Variants in HADHB observed in about 807,000 individuals in gnomAD.
HADHB encodes the protein trifunctional enzyme subunit beta, mitochondrial.
A neutral mutation model predicts 61.9 loss-of-function variants in HADHB; 50 were observed. The observed-to-expected ratio is 0.81, with a 90% CI of 0.64 to 1.02. HADHB has a LOEUF of 1.02. Among genes scored for constraint, HADHB ranks in the 50% least tolerant of loss-of-function variants. The probability of loss-of-function intolerance (pLI) is 0.00; values close to 1 mark genes in which losing one functional copy is unlikely to be tolerated. For missense variants in HADHB, 504 were observed against 586.5 expected (o/e 0.86, Z 1.45); for synonymous variants, 191 against 201.6 (o/e 0.95, Z 0.45).
intron 7 of HADHB, 130 bp from the exon 8 acceptor site, chr2:26,278,484 G>A (rs1672647742): frequency 1.3e-6 from 1 of 799,226 alleles, no homozygotes. Context: ...CTGAAAAGTT[G>A]AAAACTTTAA....
intron 6 of HADHB, among the ~76,000 whole-genome samples, chr2:26,276,160 A>C (rs1672527779): frequency 6.6e-6 from 1 of 152,222 alleles, no homozygotes; most frequent in African/African-American, 2.4e-5. Context: ...AATTTCCCCC[A>C]ATAAATAGTA....
intron 15 of HADHB, among the ~76,000 whole-genome samples, chr2:26,289,512 T>C (rs1442610468): frequency 6.6e-6 from 1 of 152,158 alleles, no homozygotes; most frequent in Admixed American, 6.5e-5. Context: ...TTTATGTTTA[T>C]ACAGTTAAAA....
rs758786432 is a variant in HADHB at position 26,282,876 on chromosome 2, C to A, written c.965C>A (p.Ala322Glu). The change falls in exon 11 of 16, where the codon GCG (alanine) becomes GAG (glutamate). Residue 322 changes from alanine (A) to glutamate (E), a missense_variant. Ala to Glu is a moderately radical substitution (Grantham distance 107). Coordinates refer to ENST00000317799, the MANE Select transcript of HADHB (RefSeq NM_000183.3). ...GGTGCATCTGCAATGTTAATCATGGCGGAGGAAAAGGCTCTGGCCATGGGT... is the reference window on the plus strand; with the variant it reads ...GGTGCATCTGCAATGTTAATCATGGAGGAGGAAAAGGCTCTGGCCATGGGT... ...TDGASAMLIM[A>E]EEKALAMGYK... 1 of 1,612,712 alleles carries A rather than the reference C, an allele frequency of 6.2e-7. No individual in the cohort carries two copies. The highest frequency in any genetic ancestry group is 1.7e-5 in the Admixed American group (1 of 60,012).
chr2:26,286,916 TA>T (rs779575582), intron 15 of HADHB, among the ~76,000 whole-genome samples: 2 of 149,140 alleles, frequency 1.3e-5, no homozygotes, highest in African/African-American at 2.5e-5. Flanking sequence ...TTTAAAAGCA[TA>T]AACTGGCCGG....
chr2:26,273,019 G>A (rs1398132433), intron 5 of HADHB, among the ~76,000 whole-genome samples: 1 of 151,882 alleles, frequency 6.6e-6, no homozygotes, highest in Non-Finnish European at 1.5e-5. Context: ...GGAGGTGGAG[G>A]TTGCAGTGAG....
At chr2:26,248,867 G>T (rs1198635134) in intron 1 of HADHB, among the ~76,000 whole-genome samples, 1 of 152,016 alleles carries the variant, frequency 6.6e-6, no homozygotes, top group Non-Finnish European at 1.5e-5. Flanking sequence ...GACCAGCCTG[G>T]CCAACATGGT....
At chr2:26,283,140 G>A in intron 12 of HADHB, 89 bp downstream of exon 12, 2 of 871,490 alleles carry the variant, frequency 2.3e-6, no homozygotes, top group East Asian at 2.4e-5. Flanking sequence ...ATTAACACTG[G>A]TTTATTATTT....
At chr2:26,266,871 C>CAAAAAGAAAA (rs1672105293) in intron 4 of HADHB, among the ~76,000 whole-genome samples, 1 of 45,426 alleles carries the variant, frequency 2.2e-5, no homozygotes, top group African/African-American at 9.9e-5. Flanking sequence ...CACTCTCTCT[C>CAAAAAGAAAA]AAAAAAAAAA....
intron 15 of HADHB, among the ~76,000 whole-genome samples, chr2:26,286,790 G>A (rs1450838085): frequency 1.3e-5 from 2 of 148,878 alleles, no homozygotes; most frequent in African/African-American, 2.5e-5. Context: ...ACAGGCATGA[G>A]CCACTGTGCC....
In HADHB at chr2:26,247,276, T is replaced by C. The variant is rs72849926; in HGVS notation, c.-9+2286T>C. ...CTGGAGTTTCCATGCTTTGAATATT[T>C]TTACCAAAATTTCTGTTTTCTGAAG... On this transcript the variant is annotated intron_variant, in intron 1 of 15. Transcript: ENST00000317799. Among the ~76,000 whole-genome samples the C allele has an allele frequency of 6.3e-3, 955 of 152,308 alleles. 7 individuals carry two copies. Among genetic ancestry groups the C allele is most frequent in the African/African-American group, 0.021 (893 of 41,554 alleles).
chr2:26,281,619 C>T (rs1558358941), intron 10 of HADHB, among the ~76,000 whole-genome samples: 1 of 152,200 alleles, frequency 6.6e-6, no homozygotes, highest in Non-Finnish European at 1.5e-5. Flanking sequence ...CACAAATCAT[C>T]AGAGGTGACA....
intron 3 of HADHB, among the ~76,000 whole-genome samples, chr2:26,255,683 C>G (rs1671580330): frequency 6.6e-6 from 1 of 152,056 alleles, no homozygotes. Flanking sequence ...GTCTTGTCAG[C>G]CTCATATAGT....
chr2:26,263,695 T>C (rs1671953558), intron 4 of HADHB, among the ~76,000 whole-genome samples: 1 of 152,228 alleles, frequency 6.6e-6, no homozygotes, highest in African/African-American at 2.4e-5. Context: ...AGCGTAGTTT[T>C]ACTTGAAACA....
rs187251222 is a variant in HADHB at position 26,289,671 on chromosome 2, A to T, written c.1390-247A>T. Among the ~76,000 whole-genome samples the T allele has an allele frequency of 4.9e-3, 748 of 152,264 alleles. 7 individuals are homozygous for T. Among genetic ancestry groups the T allele is most frequent in the Middle Eastern group, 0.014 (4 of 294 alleles). On this transcript the variant is annotated intron_variant, in intron 15 of 15. Coordinates refer to ENST00000317799, the MANE Select transcript of HADHB (RefSeq NM_000183.3). ...TATGTGTGTGTATATATATACACAC[A>T]TATACAAATATACTGTATGTTATGT...
rs1404498817 is a variant in HADHB at position 26,269,835 on chromosome 2, A to G, written c.210-118A>G. ...AAATGATGGACTGCCTTGGATAGTA[A>G]AGTTAAGTGTGTTTGTAGCAGCATG... On this transcript the variant is annotated intron_variant, in intron 4 of 15. Transcript: ENST00000317799. 4 of 771,390 alleles carry G rather than the reference A, an allele frequency of 5.2e-6. No individual in the cohort carries two copies. In the Admixed American group the frequency reaches 7.2e-5, roughly 14 times the overall value. The allele number at this position is 771,390 out of a possible 1,614,324, so 47.8% of individuals were successfully genotyped here.
chr2:26,259,475 T>C (rs1305676657), intron 3 of HADHB, among the ~76,000 whole-genome samples: 2 of 152,114 alleles, frequency 1.3e-5, no homozygotes, highest in East Asian at 1.9e-4. Context: ...ATAAATAAGC[T>C]AGTTTAAGAT....
intron 3 of HADHB, among the ~76,000 whole-genome samples, chr2:26,257,965 G>C (rs1671699669): frequency 6.6e-6 from 1 of 152,032 alleles, no homozygotes; most frequent in Admixed American, 6.6e-5. Flanking sequence ...CTTGCAGTGA[G>C]CCGAGATCGT....
chr2:26,282,512 G>A (rs1672835904), intron 10 of HADHB, among the ~76,000 whole-genome samples: 2 of 152,082 alleles, frequency 1.3e-5, no homozygotes, highest in South Asian at 2.1e-4. Flanking sequence ...GCCCGCCTCA[G>A]CCTCCCAAAG....
At chr2:26,254,191 G>A (rs1418901523) in intron 1 of HADHB, 56 bp from the exon 2 acceptor site, 2 of 846,792 alleles carry the variant, frequency 2.4e-6, no homozygotes, top group Non-Finnish European at 4.1e-6. Context: ...AGACTACAAT[G>A]TAAACTACAA....
Sources: allele counts gnomAD v4.1 joint callset (sites outside exome capture counted in the v4.1 genomes callset), GRCh38; gene constraint gnomAD v4.1.1; transcripts MANE v1.5; gene names NCBI Gene and HGNC (gene_info 2026-07-23, HGNC 2026-07-21).